Variants in P2RX4 observed in about 807,000 individuals in gnomAD.
The protein encoded by P2RX4 is P2X purinoceptor 4.
P2RX4 carries 37 observed loss-of-function variants against 48.0 expected under a neutral mutation model. That is an observed-to-expected ratio of 0.77 (90% CI 0.59 to 1.01). The LOEUF (loss-of-function observed/expected upper bound fraction) is 1.01, where lower values mean the gene tolerates loss of function less well. Ranked by LOEUF, P2RX4 falls within the 50% of genes least tolerant of loss-of-function variation. The pLI, the probability that P2RX4 is intolerant of heterozygous loss-of-function variation, is 0.00. For missense variants in P2RX4, 501 were observed against 521.4 expected (o/e 0.96, Z 0.38); for synonymous variants, 200 against 199.7 (o/e 1.00, Z -0.01).
chr12:121,228,896 AG>A, intron 7 of P2RX4, 30 bp downstream of exon 7: 7 of 1,614,106 alleles, frequency 4.3e-6, no homozygotes, highest in Non-Finnish European at 5.9e-6. Flanking sequence ...CTCCTGACCC[AG>A]CCCTGGAGGC....
At chr12:121,225,991 C>T (rs1451378880) in intron 5 of P2RX4, among the ~76,000 whole-genome samples, 2 of 152,002 alleles carry the variant, frequency 1.3e-5, no homozygotes, top group Non-Finnish European at 2.9e-5. Flanking sequence ...ATCTTCCCGC[C>T]TCATCCTCCT....
At chr12:121,217,557 G>C (rs1886310983) in intron 2 of P2RX4, among the ~76,000 whole-genome samples, 2 of 152,116 alleles carry the variant, frequency 1.3e-5, no homozygotes, top group South Asian at 4.1e-4. Context: ...AGAAATTCAA[G>C]TGGAAATATC....
intron 8 of P2RX4, among the ~76,000 whole-genome samples, chr12:121,231,466 G>A (rs979783681): frequency 1.1e-4 from 16 of 150,918 alleles, no homozygotes; most frequent in Non-Finnish European, 1.9e-4. Context: ...GTCATCCCCC[G>A]GCCCCTGGCA....
chr12:121,225,885 A>G (rs544555190), intron 5 of P2RX4, among the ~76,000 whole-genome samples: 73 of 152,034 alleles, frequency 4.8e-4, no homozygotes, highest in African/African-American at 1.7e-3. Flanking sequence ...TGTGTCTCAT[A>G]AGATACTTTT....
chr12:121,226,241 A>G (rs952854283), intron 5 of P2RX4, among the ~76,000 whole-genome samples: 1 of 152,068 alleles, frequency 6.6e-6, no homozygotes, highest in Non-Finnish European at 1.5e-5. Flanking sequence ...TTAAGTGCAC[A>G]CTGATATAAG....
intron 2 of P2RX4, among the ~76,000 whole-genome samples, chr12:121,221,149 C>CGTGTGTGTGTGTGTGTTTGTGTGTGT (rs1379314722): frequency 4.8e-5 from 6 of 125,186 alleles, no homozygotes; most frequent in African/African-American, 2.0e-4. Flanking sequence ...TTTGTGTGTG[C>CGTGTGTGTGTGTGTGTTTGTGTGTGT]GTGTGTCTGT....
At position 121,219,615 on chromosome 12, in the gene P2RX4, GGATAGATAGATA is replaced by G. The variant is rs60447163; in HGVS notation, c.283-2266_283-2255del. 4.0e-3 allele frequency among the ~76,000 whole-genome samples: 564 copies of G among 140,586 alleles called. 6 individuals are homozygous for G. Among genetic ancestry groups the G allele is most frequent in the African/African-American group, 0.011 (380 of 35,794 alleles). The allele number at this position is 140,586 out of a possible 152,430, so 92.2% of individuals were successfully genotyped here. On this transcript the variant is annotated intron_variant, in intron 2 of 11. Coordinates refer to ENST00000337233, the MANE Select transcript of P2RX4 (RefSeq NM_002560.3). ...TGGATGGATGGATGGATGGATGGAT[GGATAGATAGATA>G]GATAGATAGATAGATAGATAGATAG...
intron 5 of P2RX4, 41 bp downstream of exon 5, chr12:121,223,084 T>C: frequency 7.5e-7 from 1 of 1,332,384 alleles, no homozygotes; most frequent in South Asian, 1.2e-5. Context: ...TTTTGTTTTG[T>C]TTTGTTTTAG....
Position 121,229,859 on chromosome 12 carries a change from G to A in P2RX4, c.884+760G>A, listed in dbSNP as rs976843538. On this transcript the variant is annotated intron_variant, in intron 8 of 11. Transcript: ENST00000337233. This position sits in a 1 kb window ranked among gnomAD's most constrained non-coding sequence, Gnocchi z 4.6. ...CCTTCTGCCTTGTATGTGTCTCTGT[G>A]TCTTTTCTTCTTGTAAGGATATCAG... Among the ~76,000 whole-genome samples the A allele has an allele frequency of 3.1e-4, 47 of 152,114 alleles. No homozygotes were observed. Among genetic ancestry groups the A allele is most frequent in the African/African-American group, 9.7e-4 (40 of 41,428 alleles).
Position 121,222,979 on chromosome 12 carries a change from G to A in P2RX4, c.460G>A (p.Gly154Arg), listed in dbSNP as rs1357388676. 13 of 1,613,636 alleles carry A rather than the reference G, an allele frequency of 8.1e-6. No homozygotes were observed. Among genetic ancestry groups the A allele is most frequent in the Admixed American group, 5.0e-5 (3 of 59,990 alleles). Residue 154 changes from glycine to arginine, a missense_variant, in exon 5 of 12, where the codon GGG becomes AGG. Physicochemically the swap from Gly to Arg is moderately radical, Grantham distance 125. This residue lies in a region of P2RX4 where 295 missense variants were observed against 275.3 expected (regional missense o/e 1.07). Transcript: ENST00000337233. Reference protein sequence around the residue: ...VSTGRCVAFNGSVKTCEVAAW... With the variant: ...VSTGRCVAFNRSVKTCEVAAW... ...AACAGGCAGGTGCGTAGCTTTCAAC[G>A]GGTCTGTCAAGACGTGTGAGGTGGC...
chr12:121,215,540 CTCAAGTGA>C (rs1196304307), intron 1 of P2RX4: 1 of 151,378 alleles, frequency 6.6e-6, no homozygotes. Context: ...GTCTCCCAGG[CTCAAGTGA>C]TCCTCCCACC....
chr12:121,222,920 A>T, intron 4 of P2RX4, 27 bp from the exon 5 acceptor site: 1 of 1,550,924 alleles, frequency 6.4e-7, no homozygotes, highest in Non-Finnish European at 8.9e-7. Flanking sequence ...TGGACATGGG[A>T]CCCCCCTGCC....
intron 5 of P2RX4, 82 bp from the exon 6 acceptor site, chr12:121,228,449 ATG>A (rs200949744): frequency 6.5e-6 from 4 of 611,874 alleles, no homozygotes; most frequent in South Asian, 2.1e-5. Flanking sequence ...ACATATATAT[ATG>A]TGTGTATATA....
intron 11 of P2RX4, 114 bp downstream of exon 11, chr12:121,233,206 G>A (rs1040061748): frequency 2.4e-4 from 178 of 753,364 alleles, no homozygotes; most frequent in African/African-American, 2.3e-3. Flanking sequence ...CCAGTGTGGC[G>A]TGGTGTCCCC....
chr12:121,218,268 A>G (rs547421742), intron 2 of P2RX4, among the ~76,000 whole-genome samples: 1 of 152,178 alleles, frequency 6.6e-6, no homozygotes, highest in East Asian at 1.9e-4. Context: ...TCGGTGTATC[A>G]TGAGGTCAAG....
intron 5 of P2RX4, among the ~76,000 whole-genome samples, chr12:121,228,210 T>C (rs2393848): frequency 0.014 from 2,129 of 151,674 alleles, 50 homozygotes; most frequent in African/African-American, 0.048. Context: ...ACCAACATGG[T>C]GGAACCCTGT....
At chr12:121,220,306 C>A (rs1043415485) in intron 2 of P2RX4, among the ~76,000 whole-genome samples, 5 of 151,956 alleles carry the variant, frequency 3.3e-5, no homozygotes, top group Non-Finnish European at 4.4e-5. Flanking sequence ...CAGACCCCCC[C>A]CTTTTTTTAA....
Position 121,233,872 on chromosome 12 carries a change from T to G in P2RX4, c.*323T>G, listed in dbSNP as rs57568593. The G allele has an allele frequency of 2.3e-6, 1 of 442,552 alleles. No individual in the cohort carries two copies. The highest frequency in any genetic ancestry group is 2.0e-5 in the African/African-American group (1 of 50,256). The allele number at this position is 442,552 out of a possible 1,614,324, so 27.4% of individuals were successfully genotyped here. On this transcript the variant is annotated 3_prime_UTR_variant, in exon 12 of 12. Coordinates refer to ENST00000337233, the MANE Select transcript of P2RX4 (RefSeq NM_002560.3). The stretch of plus-strand genomic sequence containing the variant: ...GAGCTGGCTTTGCTCAGAAGCCTCC[T>G]GTCTCCAGCTCTCTCCAGGACAGGC...
chr12:121,233,800 G>A lies in P2RX4; in HGVS notation c.*251G>A, dbSNP rs1174662330. The A allele has an allele frequency of 2.4e-6, 2 of 824,278 alleles. No individual in the cohort carries two copies. The highest frequency in any genetic ancestry group is 2.9e-5 in the East Asian group (1 of 34,634). The allele number at this position is 824,278 out of a possible 1,614,324, so 51.1% of individuals were successfully genotyped here. A position where few individuals can be genotyped will look rare whatever the true frequency, so the allele number is the denominator to read the frequency against. On this transcript the variant is annotated 3_prime_UTR_variant, in exon 12 of 12. Transcript: ENST00000337233. ...TTTTCCCGCAACCTGGGGTTGTCGG[G>A]GGAGCGCTGGCCCGACGCAGTGGCA...
Sources: allele counts gnomAD v4.1 joint callset (sites outside exome capture counted in the v4.1 genomes callset), GRCh38; gene constraint gnomAD v4.1.1; regional missense constraint gnomAD v4.1.1; non-coding constraint Gnocchi (gnomAD v3.1); transcripts MANE v1.5; gene names NCBI Gene and HGNC (gene_info 2026-07-23, HGNC 2026-07-21).